The following RBFOX3 variants were observed in gnomAD, a reference collection of about 807,000 sequenced individuals.
RBFOX3 encodes the protein RNA binding fox-1 homolog 3.
Under a neutral mutation model 48.7 loss-of-function variants are expected in RBFOX3, and 17 were observed. The observed-to-expected ratio is 0.35, with a 90% CI of 0.24 to 0.52. The LOEUF is 0.52. Among genes scored for constraint, RBFOX3 ranks in the 20% least tolerant of loss-of-function variants. RBFOX3 has a pLI of 0.94. For missense variants in RBFOX3, 382 were observed against 497.5 expected (o/e 0.77, Z 2.21); for synonymous variants, 212 against 209.5 (o/e 1.01, Z -0.10).
Position 79,477,504 on chromosome 17 carries a change from T to C in RBFOX3, c.-175+4950A>G, listed in dbSNP as rs548375389. Among the ~76,000 whole-genome samples, 188 of 151,426 alleles carry C rather than the reference T, an allele frequency of 1.2e-3. No individual in the cohort carries two copies. The highest frequency in any genetic ancestry group is 4.7e-3 in the East Asian group (24 of 5,110). On this transcript the variant is annotated intron_variant, in intron 2 of 14. Transcript: ENST00000693108. The surrounding 1 kb of genome is among the most constrained non-coding windows in gnomAD (Gnocchi z 4.8). ...CCGGGAGGCGGAGTTTGCAGTGAGC[T>C]GAGATCGCCCCATCGCACTCCAGCC...
intron 3 of RBFOX3, among the ~76,000 whole-genome samples, chr17:79,301,380 T>TA (rs1457885245): frequency 6.6e-6 from 1 of 152,220 alleles, no homozygotes; most frequent in Non-Finnish European, 1.5e-5. Flanking sequence ...GCAGCTCCCA[T>TA]AAGCCTTGTG....
At chr17:79,372,517 G>A (rs1229462832) in intron 2 of RBFOX3, among the ~76,000 whole-genome samples, 1 of 151,562 alleles carries the variant, frequency 6.6e-6, no homozygotes, top group Non-Finnish European at 1.5e-5. Context: ...CCAAGGCCAG[G>A]CCTGGCCCGG....
At chr17:79,612,236 A>G (rs2093974741), upstream of RBFOX3, among the ~76,000 whole-genome samples, 1 of 152,238 alleles carries the variant, frequency 6.6e-6, no homozygotes. Flanking sequence ...CCATCGAAGG[A>G]CATTTCCAAA....
At chr17:79,119,020 C>T (rs1048419006) in intron 4 of RBFOX3, among the ~76,000 whole-genome samples, 1 of 149,314 alleles carries the variant, frequency 6.7e-6, no homozygotes, top group East Asian at 2.0e-4. Flanking sequence ...AAAAAGAAAG[C>T]GCAGCTCCTG....
At chr17:79,106,618 G>A in intron 6 of RBFOX3, 33 bp downstream of exon 6, 1 of 1,426,424 alleles carries the variant, frequency 7.0e-7, no homozygotes, top group Non-Finnish European at 9.1e-7. Context: ...GGCAGGTGTG[G>A]AGGGCAGGAT....
chr17:79,528,969 T>C (rs2087251485), intron 1 of RBFOX3, among the ~76,000 whole-genome samples: 1 of 152,186 alleles, frequency 6.6e-6, no homozygotes. Context: ...CAAAACATAT[T>C]TGGCAGAATG....
intron 1 of RBFOX3, among the ~76,000 whole-genome samples, chr17:79,511,625 A>C (rs1299959940): frequency 6.6e-6 from 1 of 152,150 alleles, no homozygotes; most frequent in Non-Finnish European, 1.5e-5. Context: ...CATGGGCCAG[A>C]TGCATGTTAC....
In RBFOX3 at chr17:79,114,064, G is replaced by A. The variant is rs142600212; in HGVS notation, c.222+1430C>T. ...GAGGCTCACCATGAGAGACCCCCTCGTCTGTCCATAAGGTGGCTGTCAGAG... is the reference window on the plus strand; with the variant it reads ...GAGGCTCACCATGAGAGACCCCCTCATCTGTCCATAAGGTGGCTGTCAGAG... On this transcript the variant is annotated intron_variant, in intron 5 of 14. Coordinates refer to ENST00000693108, the MANE Select transcript of RBFOX3 (RefSeq NM_001350451.2). Among the ~76,000 whole-genome samples the A allele has an allele frequency of 1.1e-4, 16 of 152,254 alleles. No individual in the cohort carries two copies. In the East Asian group the frequency reaches 1.9e-3, roughly 18 times the overall value.
At chr17:79,256,657 C>G (rs1325761573) in intron 3 of RBFOX3, among the ~76,000 whole-genome samples, 1 of 152,106 alleles carries the variant, frequency 6.6e-6, no homozygotes, top group Non-Finnish European at 1.5e-5. Context: ...GTGGCTCATG[C>G]CTGTAATCCC....
At chr17:79,498,542 T>A (rs985410359) in intron 1 of RBFOX3, among the ~76,000 whole-genome samples, 1 of 141,244 alleles carries the variant, frequency 7.1e-6, no homozygotes, top group Admixed American at 7.1e-5. Context: ...TCCATCCACT[T>A]ACCCATCCGT....
chr17:79,161,277 G>C (rs79002570), intron 4 of RBFOX3, among the ~76,000 whole-genome samples: 13,539 of 152,186 alleles, frequency 0.089, 1,053 homozygotes, highest in African/African-American at 0.21. Context: ...TCAAGTCGCA[G>C]AGCCCAGGGG....
At chr17:79,351,788 T>C (rs1166680939) in intron 2 of RBFOX3, among the ~76,000 whole-genome samples, 8 of 152,244 alleles carry the variant, frequency 5.3e-5, no homozygotes, top group African/African-American at 1.9e-4. Flanking sequence ...TGGTTGCTTT[T>C]CCACTTTCTC....
At chr17:79,657,201 G>A in the RBFOX3 span, among the ~76,000 whole-genome samples, 3 of 152,184 alleles carry the variant, frequency 2.0e-5, no homozygotes, top group Non-Finnish European at 4.4e-5. Context: ...GCAGCCACAC[G>A]GCAAATGGAA....
At chr17:79,557,442 G>C (rs1453456596) in intron 1 of RBFOX3, among the ~76,000 whole-genome samples, 3 of 146,126 alleles carry the variant, frequency 2.1e-5, no homozygotes, top group Non-Finnish European at 4.5e-5. Context: ...TCTACTCACA[G>C]CCAAGCCCCC....
chr17:79,616,582 A>AAC, the RBFOX3 span, among the ~76,000 whole-genome samples: 44,104 of 145,492 alleles, frequency 0.3, 7,170 homozygotes, highest in East Asian at 0.62. Flanking sequence ...TCTCTATACA[A>AAC]ACACACACAC....
intron 1 of RBFOX3, among the ~76,000 whole-genome samples, chr17:79,520,878 C>T (rs1371514523): frequency 2.0e-5 from 3 of 152,224 alleles, no homozygotes; most frequent in African/African-American, 7.2e-5. Flanking sequence ...CAAGAGGTCC[C>T]CACCAGATCC....
chr17:79,289,631 G>A (rs1039503761), intron 3 of RBFOX3, among the ~76,000 whole-genome samples: 1 of 152,234 alleles, frequency 6.6e-6, no homozygotes, highest in Non-Finnish European at 1.5e-5. Context: ...TGGCTCAGGG[G>A]ACAGCCCTTT....
chr17:79,449,622 A>ACACACACACACACACACAC (rs2073068655), intron 2 of RBFOX3, among the ~76,000 whole-genome samples: 2 of 144,494 alleles, frequency 1.4e-5, no homozygotes, highest in Non-Finnish European at 3.0e-5. Context: ...TGCACACATA[A>ACACACACACACACACACAC]ACACACACAC....
chr17:79,393,100 G>A (rs1376208963), intron 2 of RBFOX3, among the ~76,000 whole-genome samples: 1 of 152,204 alleles, frequency 6.6e-6, no homozygotes, highest in Non-Finnish European at 1.5e-5. Context: ...ATATGTAGGA[G>A]TTGTAAAATA....
Sources: allele counts gnomAD v4.1 joint callset (sites outside exome capture counted in the v4.1 genomes callset), GRCh38; gene constraint gnomAD v4.1.1; non-coding constraint Gnocchi (gnomAD v3.1); transcripts MANE v1.5; gene names NCBI Gene and HGNC (gene_info 2026-07-23, HGNC 2026-07-21).